The following ENTPD1 variants were observed in gnomAD, a reference collection of about 807,000 sequenced individuals.
ENTPD1 encodes the protein ATP diphosphohydrolase.
ENTPD1 carries 33 observed loss-of-function variants against 57.0 expected under a neutral mutation model. The observed-to-expected ratio is 0.58, with a 90% CI of 0.44 to 0.77. ENTPD1 has a LOEUF of 0.77. Ranked by LOEUF, ENTPD1 falls within the 30% of genes least tolerant of loss-of-function variation. The probability of loss-of-function intolerance (pLI) is 0.00; values close to 1 mark genes in which losing one functional copy is unlikely to be tolerated. For synonymous variants in ENTPD1, 202 were observed against 218.8 expected, an observed-to-expected ratio of 0.92 and a Z score of 0.68; for missense variants, 501 against 603.4, an observed-to-expected ratio of 0.83 and a Z score of 1.78.
intron 2 of ENTPD1, among the ~76,000 whole-genome samples, chr10:95,836,482 C>T (rs1022444015): frequency 2.0e-5 from 3 of 152,056 alleles, no homozygotes; most frequent in Non-Finnish European, 4.4e-5. Flanking sequence ...ATTTAAGAAA[C>T]TTTTAGTACT....
chr10:95,726,084 T>C (rs900557037), intron 1 of ENTPD1, among the ~76,000 whole-genome samples: 1 of 152,204 alleles, frequency 6.6e-6, no homozygotes, highest in African/African-American at 2.4e-5. Flanking sequence ...TAGTTTCCCA[T>C]TGTTGTTACC....
At chr10:95,714,221 G>A (rs1409216838) in intron 1 of ENTPD1, among the ~76,000 whole-genome samples, 1 of 152,142 alleles carries the variant, frequency 6.6e-6, no homozygotes, top group Non-Finnish European at 1.5e-5. Context: ...TGAGGTGGGA[G>A]AATCCCTTGA....
chr10:95,803,037 T>G (rs1387635490), intron 1 of ENTPD1, among the ~76,000 whole-genome samples: 1 of 152,218 alleles, frequency 6.6e-6, no homozygotes, highest in Non-Finnish European at 1.5e-5. Context: ...CTTGGTTATC[T>G]GGGCTCTTTC....
At chr10:95,803,214 G>A (rs142817949) in intron 1 of ENTPD1, among the ~76,000 whole-genome samples, 3 of 152,234 alleles carry the variant, frequency 2.0e-5, no homozygotes, top group East Asian at 3.9e-4. Flanking sequence ...CCATTTGTTT[G>A]TGTCATCTTT....
intron 1 of ENTPD1, among the ~76,000 whole-genome samples, chr10:95,734,369 T>C (rs1202468333): frequency 1.3e-5 from 2 of 152,198 alleles, no homozygotes; most frequent in African/African-American, 4.8e-5. Flanking sequence ...CACCTATATG[T>C]GGTGGATTAA....
Position 95,871,097 on chromosome 10 carries a change from T to C in ENTPD1, c.*4714T>C, listed in dbSNP as rs2098479928. The C allele has an allele frequency of 2.0e-6, 2 of 985,324 alleles. No individual in the cohort carries two copies. Among genetic ancestry groups the C allele is most frequent in the Admixed American group, 1.2e-4 (2 of 16,266 alleles). 61.0% of individuals were successfully genotyped at this position (985,324 alleles called of 1,614,324 possible). A position where few individuals can be genotyped will look rare whatever the true frequency, so the allele number is the denominator to read the frequency against. Reference sequence around the variant, plus strand: ...CTCCTGTCACTTCTGTCACAGGCTATTGTAAGTCATATGAGCAAGCTCAAT... The same window carrying C: ...CTCCTGTCACTTCTGTCACAGGCTACTGTAAGTCATATGAGCAAGCTCAAT... On this transcript the variant is annotated 3_prime_UTR_variant, in exon 10 of 10. Transcript: ENST00000371205.
upstream of ENTPD1, chr10:95,711,742 C>A (rs1484350211): frequency 1.7e-6 from 1 of 592,912 alleles, no homozygotes; most frequent in Admixed American, 2.7e-5. Flanking sequence ...GACACTGTGC[C>A]CAGCCTCCCC....
rs149326648 is a variant in ENTPD1 at position 95,847,652 on chromosome 10, C to T, written c.1020C>T (p.Tyr340=). The T allele has an allele frequency of 6.8e-4, 1,099 of 1,614,246 alleles. 5 individuals carry two copies. In the Middle Eastern group the frequency reaches 0.012, roughly 17 times the overall value. Residue 340 remains tyrosine (Y), a synonymous_variant, in exon 7 of 10, where the codon TAC becomes TAT. Transcript: ENST00000371205. ...TCTTCAACACCAGTTACTGCCCTTA[C>T]TCCCAGTGTGCCTTCAATGGGATTT... is the stretch of plus-strand genomic sequence containing the variant. ...LELFNTSYCP[Y]SQCAFNGIFL... is the part of the protein sequence containing the mutation.
At chr10:95,851,666 G>T (rs1419596752) in intron 7 of ENTPD1, among the ~76,000 whole-genome samples, 2 of 147,414 alleles carry the variant, frequency 1.4e-5, no homozygotes, top group African/African-American at 5.0e-5. Flanking sequence ...ACCTATGAGT[G>T]AGAACATGCA....
chr10:95,870,888 G>C lies in ENTPD1; in HGVS notation c.*4505G>C. The stretch of plus-strand genomic sequence containing the variant: ...AGTAAACATTGATTTTCATGTTTGT[G>C]AGTCTGCAAGCCAGCTGGGCAGCTC... On this transcript the variant is annotated 3_prime_UTR_variant, in exon 10 of 10. Coordinates refer to ENST00000371205, the MANE Select transcript of ENTPD1 (RefSeq NM_001776.6). 1 of 985,438 alleles carries C rather than the reference G, an allele frequency of 1.0e-6. No individual in the cohort carries two copies. The highest frequency in any genetic ancestry group is 1.2e-6 in the Non-Finnish European group (1 of 829,928). The allele number at this position is 985,438 out of a possible 1,614,324, so 61.0% of individuals were successfully genotyped here. A position where few individuals can be genotyped will look rare whatever the true frequency, so the allele number is the denominator to read the frequency against.
chr10:95,729,075 C>G (rs1250111658), intron 1 of ENTPD1, among the ~76,000 whole-genome samples: 1 of 151,842 alleles, frequency 6.6e-6, no homozygotes, highest in African/African-American at 2.4e-5. Flanking sequence ...CAAATTGTTG[C>G]AAATTTCTAA....
the ENTPD1 span, among the ~76,000 whole-genome samples, chr10:95,699,922 G>C: frequency 1.3e-5 from 2 of 152,202 alleles, no homozygotes; most frequent in South Asian, 4.1e-4. Flanking sequence ...GAATACCACA[G>C]AGTAGCCAGA....
intron 1 of ENTPD1, among the ~76,000 whole-genome samples, chr10:95,714,046 C>A (rs1019569443): frequency 6.6e-6 from 1 of 152,186 alleles, no homozygotes. Context: ...CATGATGGCT[C>A]ACTCCTGTAA....
chr10:95,743,451 G>A (rs1386391520), intron 1 of ENTPD1, among the ~76,000 whole-genome samples: 1 of 152,130 alleles, frequency 6.6e-6, no homozygotes, highest in Non-Finnish European at 1.5e-5. Context: ...AAGTCACTAT[G>A]CAGGCCATAC....
chr10:95,710,021 C>T (rs1227521739), upstream of ENTPD1, among the ~76,000 whole-genome samples: 1 of 151,446 alleles, frequency 6.6e-6, no homozygotes, highest in African/African-American at 2.4e-5. Context: ...TGATCCACCC[C>T]CCTCGGCCTC....
chr10:95,825,903 A>G (rs1260978039), intron 2 of ENTPD1, among the ~76,000 whole-genome samples: 1 of 152,288 alleles, frequency 6.6e-6, no homozygotes, highest in East Asian at 1.9e-4. Context: ...AGAGCACACA[A>G]TGACATGACT....
At chr10:95,799,755 T>C (rs566426641) in intron 1 of ENTPD1, among the ~76,000 whole-genome samples, 4 of 152,304 alleles carry the variant, frequency 2.6e-5, no homozygotes, top group African/African-American at 9.6e-5. Context: ...CTACCACCAA[T>C]TGTGTATAAG....
chr10:95,801,081 G>T (rs2098247537), intron 1 of ENTPD1, among the ~76,000 whole-genome samples: 1 of 152,106 alleles, frequency 6.6e-6, no homozygotes, highest in Non-Finnish European at 1.5e-5. Context: ...TATTAATTTT[G>T]GGAACTGATA....
chr10:95,806,005 T>C (rs2098270684), intron 1 of ENTPD1, among the ~76,000 whole-genome samples: 1 of 152,214 alleles, frequency 6.6e-6, no homozygotes, highest in African/African-American at 2.4e-5. Context: ...CTTTGTGGTG[T>C]TCTCTGTATT....
Sources: allele counts gnomAD v4.1 joint callset (sites outside exome capture counted in the v4.1 genomes callset), GRCh38; gene constraint gnomAD v4.1.1; transcripts MANE v1.5; gene names NCBI Gene and HGNC (gene_info 2026-07-23, HGNC 2026-07-21).